TEX11: variants seen among roughly 807,000 people sequenced by gnomAD.
The protein encoded by TEX11 is testis expressed 11, also known as testis-expressed protein 11.
A neutral mutation model predicts 84.4 loss-of-function variants in TEX11; 7 were observed. The observed-to-expected ratio is 0.08, with a 90% CI of 0.05 to 0.16. TEX11 has a LOEUF of 0.16. Among genes scored for constraint, TEX11 ranks in the 10% least tolerant of loss-of-function variants. TEX11 has a pLI of 1.00. For synonymous variants in TEX11, 264 were observed against 222.8 expected, an observed-to-expected ratio of 1.18 and a Z score of -1.64; for missense variants, 551 against 660.5, an observed-to-expected ratio of 0.83 and a Z score of 1.82.
intron 11 of TEX11, among the ~76,000 whole-genome samples, chrX:70,738,966 G>C (rs1252115290): frequency 9.1e-6 from 1 of 110,479 alleles, no homozygotes; most frequent in African/African-American, 3.3e-5. Flanking sequence ...GGGAGGCACG[G>C]GGAGGGAGAG....
intron 13 of TEX11, among the ~76,000 whole-genome samples, chrX:70,693,495 T>A (rs905217562): frequency 9.0e-6 from 1 of 111,608 alleles, no homozygotes; most frequent in Non-Finnish European, 1.9e-5. Context: ...TATGTTAAGT[T>A]AAATAAGCCA....
chrX:70,643,719 T>C (rs1452597853), intron 17 of TEX11, among the ~76,000 whole-genome samples: 1 of 103,140 alleles, frequency 9.7e-6, no homozygotes, highest in African/African-American at 3.5e-5. Flanking sequence ...GCTAGCCATA[T>C]GTAGAAAGCT....
intron 9 of TEX11, among the ~76,000 whole-genome samples, chrX:70,764,551 G>T (rs1318730179): frequency 1.8e-5 from 2 of 111,191 alleles, no homozygotes; most frequent in African/African-American, 6.5e-5. Flanking sequence ...GCGGTTTTTT[G>T]AAAAGTTAAA....
At chrX:70,617,244 G>T (rs2089328203) in intron 20 of TEX11, among the ~76,000 whole-genome samples, 1 of 108,801 alleles carries the variant, frequency 9.2e-6, no homozygotes, top group Non-Finnish European at 1.9e-5. Context: ...TGTAAGAAAT[G>T]TTAAAAGAAG....
At chrX:70,692,060 C>T (rs1410879691) in intron 13 of TEX11, among the ~76,000 whole-genome samples, 1 of 111,276 alleles carries the variant, frequency 9.0e-6, no homozygotes, top group African/African-American at 3.3e-5. Context: ...AAAAAATATA[C>T]CATGAAACCA....
chrX:70,742,648 G>A, intron 10 of TEX11, among the ~76,000 whole-genome samples: 1 of 110,140 alleles, frequency 9.1e-6, no homozygotes, highest in East Asian at 2.9e-4. Flanking sequence ...AGGACTGCTT[G>A]AGCCCAGGAG....
intron 3 of TEX11, among the ~76,000 whole-genome samples, chrX:70,877,762 A>C (rs1465997052): frequency 8.9e-6 from 1 of 111,935 alleles, no homozygotes; most frequent in Non-Finnish European, 1.9e-5. Context: ...ATACTAAGAG[A>C]AATAAACCAG....
chrX:70,630,775 G>A (rs1209956061), intron 17 of TEX11, among the ~76,000 whole-genome samples: 1 of 111,741 alleles, frequency 8.9e-6, no homozygotes, highest in African/African-American at 3.2e-5. Context: ...CCACCTACAA[G>A]AAATACACTT....
At chrX:70,539,531 G>A (rs1253741518) in intron 28 of TEX11, among the ~76,000 whole-genome samples, 1 of 110,962 alleles carries the variant, frequency 9.0e-6, no homozygotes, top group Admixed American at 9.7e-5. Flanking sequence ...GTTACAAAAC[G>A]CCTTTGTGAC....
chrX:70,626,952 A>C (rs1326105794), intron 18 of TEX11, among the ~76,000 whole-genome samples: 2 of 111,987 alleles, frequency 1.8e-5, no homozygotes, highest in Non-Finnish European at 3.8e-5. Context: ...AGAAAGAGTG[A>C]CTCATGAGGT....
At chrX:70,531,913 G>A (rs2087893428) in intron 28 of TEX11, among the ~76,000 whole-genome samples, 1 of 111,782 alleles carries the variant, frequency 8.9e-6, no homozygotes, top group Non-Finnish European at 1.9e-5. Flanking sequence ...TTGAGAACAA[G>A]CATGTCTTAG....
chrX:70,601,422 C>T (rs1319877710), intron 24 of TEX11, among the ~76,000 whole-genome samples: 2 of 97,167 alleles, frequency 2.1e-5, no homozygotes, highest in Admixed American at 1.1e-4. Flanking sequence ...GATTCACAGC[C>T]GAATTCTACC....
chrX:70,628,227 CAA>C (rs1286767309), intron 18 of TEX11, among the ~76,000 whole-genome samples: 6 of 67,574 alleles, frequency 8.9e-5, no homozygotes, highest in Admixed American at 3.5e-4. Context: ...GAGACTTTGT[CAA>C]AAAAAAAAAA....
intron 9 of TEX11, among the ~76,000 whole-genome samples, chrX:70,755,493 G>A (rs1179997327): frequency 1.8e-5 from 2 of 111,429 alleles, no homozygotes; most frequent in East Asian, 5.6e-4. Context: ...AAAGAGAAAA[G>A]AATAAAAAAC....
At chrX:70,833,439 G>A (rs2147833176) in intron 8 of TEX11, 74 bp downstream of exon 8, 1 of 830,671 alleles carries the variant, frequency 1.2e-6, no homozygotes, top group Non-Finnish European at 1.8e-6. Context: ...AAGGTTGCAT[G>A]AAGTAGTAAT....
intron 4 of TEX11, among the ~76,000 whole-genome samples, chrX:70,862,045 C>G (rs1228116151): frequency 9.1e-6 from 1 of 109,622 alleles, no homozygotes; most frequent in African/African-American, 3.3e-5. Context: ...AGCTAGAATA[C>G]AGTGGCATGA....
chrX:70,683,369 G>A (rs990096196), intron 13 of TEX11, among the ~76,000 whole-genome samples: 1 of 111,896 alleles, frequency 8.9e-6, no homozygotes, highest in Non-Finnish European at 1.9e-5. Context: ...GGTGGTTCAC[G>A]CCTGTAATCC....
At chrX:70,885,762 C>T (rs1389420750) in intron 2 of TEX11, among the ~76,000 whole-genome samples, 3 of 108,656 alleles carry the variant, frequency 2.8e-5, no homozygotes, top group African/African-American at 1.0e-4. Flanking sequence ...CACGGTGGCA[C>T]CACCTGTAGT....
chrX:70,712,434 C>T (rs779324652), intron 13 of TEX11, among the ~76,000 whole-genome samples: 2 of 111,455 alleles, frequency 1.8e-5, no homozygotes, highest in South Asian at 7.7e-4. Context: ...ATGGAATGTT[C>T]TTCCATTTGT....
Sources: allele counts gnomAD v4.1 joint callset (sites outside exome capture counted in the v4.1 genomes callset), GRCh38; gene constraint gnomAD v4.1.1; transcripts MANE v1.5; gene names NCBI Gene and HGNC (gene_info 2026-07-23, HGNC 2026-07-21).